LARGE1: variants seen among roughly 807,000 people sequenced by gnomAD.
The protein encoded by LARGE1 is xylosyl- and glucuronyltransferase LARGE1.
A neutral mutation model predicts 87.6 loss-of-function variants in LARGE1; 43 were observed. The ratio of observed to expected loss-of-function variants is 0.49; its 90% CI spans 0.38 to 0.63. The LOEUF (loss-of-function observed/expected upper bound fraction) is 0.63. Among genes scored for constraint, LARGE1 ranks in the 30% least tolerant of loss-of-function variants. The probability of loss-of-function intolerance (pLI) is 0.00; values close to 1 mark genes in which losing one functional copy is unlikely to be tolerated. For missense variants in LARGE1, 802 were observed against 1,000.2 expected (o/e 0.80, Z 2.67); for synonymous variants, 434 against 394.6 (o/e 1.10, Z -1.18).
intron 6 of LARGE1, among the ~76,000 whole-genome samples, chr22:33,472,497 GT>G (rs1007129622): frequency 1.1e-4 from 16 of 152,100 alleles, no homozygotes; most frequent in Non-Finnish European, 2.1e-4. Flanking sequence ...CTCTGCAGGT[GT>G]TTTTTGTTGT....
At position 33,362,195 on chromosome 22, in the gene LARGE1, G is replaced by C. The variant is rs140140516; in HGVS notation, c.1131+19724C>G. On this transcript the variant is annotated intron_variant, in intron 9 of 14. Coordinates refer to ENST00000397394, the MANE Select transcript of LARGE1 (RefSeq NM_133642.5). The stretch of plus-strand genomic sequence containing the variant: ...GCCAGGGAAGGCTGAGTTATCAAGC[G>C]TAAGGACTAAAGAGATAACAATGAA... Among the ~76,000 whole-genome samples, 1,346 of 148,998 alleles carry C rather than the reference G, an allele frequency of 9.0e-3. 83 individuals are homozygous for C. Among genetic ancestry groups the C allele is most frequent in the African/African-American group, 0.032 (1,287 of 40,500 alleles).
the LARGE1 span, among the ~76,000 whole-genome samples, chr22:33,066,770 C>T: frequency 6.6e-6 from 1 of 152,154 alleles, no homozygotes; most frequent in African/African-American, 2.4e-5. Context: ...CAAGTAGCAA[C>T]AGAAGCTAGA....
At chr22:33,295,548 G>A (rs926006367) in intron 12 of LARGE1, among the ~76,000 whole-genome samples, 26 of 152,192 alleles carry the variant, frequency 1.7e-4, no homozygotes, top group African/African-American at 6.3e-4. Flanking sequence ...GTGACAATAC[G>A]TGGGCAGAGA....
rs2145796895 is a variant in LARGE1, at chr22:33,274,028, C to A, written c.*399G>T. 2.6e-6 allele frequency: 1 copy of A among 377,436 alleles called. No individual in the cohort carries two copies. The highest frequency in any genetic ancestry group is 3.6e-5 in the South Asian group (1 of 27,714). The allele number at this position is 377,436 out of a possible 1,614,324, so 23.4% of individuals were successfully genotyped here. A position where few individuals can be genotyped will look rare whatever the true frequency, so the allele number is the denominator to read the frequency against. ...CACTTCTATTTCCTGGGACGAATAACCCCTAGAACCCTGACTTCCCTTTCT... is the reference window on the plus strand; with the variant it reads ...CACTTCTATTTCCTGGGACGAATAAACCCTAGAACCCTGACTTCCCTTTCT... On this transcript the variant is annotated 3_prime_UTR_variant, in exon 15 of 15. Coordinates refer to ENST00000397394, the MANE Select transcript of LARGE1 (RefSeq NM_133642.5).
intron 1 of LARGE1, among the ~76,000 whole-genome samples, chr22:33,763,017 C>T (rs1175518762): frequency 6.6e-6 from 1 of 152,206 alleles, no homozygotes; most frequent in Non-Finnish European, 1.5e-5. Context: ...GCATCCTTCC[C>T]TCTTGGGTAA....
At chr22:33,125,083 G>A in the LARGE1 span, among the ~76,000 whole-genome samples, 1 of 152,192 alleles carries the variant, frequency 6.6e-6, no homozygotes, top group Non-Finnish European at 1.5e-5. Flanking sequence ...GTATTGCCGT[G>A]GCAAAGGGTA....
intron 5 of LARGE1, among the ~76,000 whole-genome samples, chr22:33,595,403 C>T (rs762638780): frequency 3.3e-5 from 5 of 152,076 alleles, no homozygotes; most frequent in Non-Finnish European, 5.9e-5. Flanking sequence ...CAAGGTGGGG[C>T]ATGTCACATA....
chr22:33,746,634 G>C (rs563333575), intron 2 of LARGE1, among the ~76,000 whole-genome samples: 13 of 152,198 alleles, frequency 8.5e-5, no homozygotes, highest in Non-Finnish European at 1.9e-4. Context: ...AAGGAAGTAT[G>C]CTATATAAAT....
At chr22:33,067,795 A>G in the LARGE1 span, among the ~76,000 whole-genome samples, 230 of 152,060 alleles carry the variant, frequency 1.5e-3, no homozygotes, top group African/African-American at 5.3e-3. Flanking sequence ...GCCTGGCCAA[A>G]TAGTGAAACC....
At chr22:33,591,631 G>A (rs765858384) in intron 5 of LARGE1, among the ~76,000 whole-genome samples, 20 of 151,756 alleles carry the variant, frequency 1.3e-4, no homozygotes, top group Non-Finnish European at 2.4e-4. Flanking sequence ...TAATGTCTTT[G>A]CAAGAACAAA....
intron 6 of LARGE1, among the ~76,000 whole-genome samples, chr22:33,481,078 G>A (rs1278384310): frequency 6.6e-6 from 1 of 151,498 alleles, no homozygotes; most frequent in Non-Finnish European, 1.5e-5. Context: ...AAATGGCTGT[G>A]TCAAATATAT....
intron 6 of LARGE1, among the ~76,000 whole-genome samples, chr22:33,513,123 C>G (rs1321541449): frequency 6.6e-6 from 1 of 151,934 alleles, no homozygotes; most frequent in African/African-American, 2.4e-5. Flanking sequence ...ACTGGTGTGA[C>G]CATTAATCAA....
chr22:33,726,895 T>C (rs985126548), intron 2 of LARGE1, among the ~76,000 whole-genome samples: 1 of 122,354 alleles, frequency 8.2e-6, no homozygotes, highest in Non-Finnish European at 1.8e-5. Context: ...GCTCAATAAA[T>C]CCTGATGATC....
chr22:33,168,645 A>G (rs1922400667), intron 11 of LARGE1, among the ~76,000 whole-genome samples: 1 of 152,248 alleles, frequency 6.6e-6, no homozygotes, highest in African/African-American at 2.4e-5. Context: ...TAACAACCTT[A>G]TAAGGAAAAT....
At chr22:33,886,814 C>T (rs1432058826) in intron 1 of LARGE1, among the ~76,000 whole-genome samples, 3 of 152,090 alleles carry the variant, frequency 2.0e-5, no homozygotes, top group Non-Finnish European at 4.4e-5. Flanking sequence ...CCAGGCACTG[C>T]GCTCACCACT....
chr22:33,433,417 A>G (rs1175733651), intron 6 of LARGE1, among the ~76,000 whole-genome samples: 1 of 152,038 alleles, frequency 6.6e-6, no homozygotes, highest in Non-Finnish European at 1.5e-5. Context: ...TAACACAGTG[A>G]AACCCCATCT....
At chr22:33,130,313 C>CAAAAAAAAAAAAA in the LARGE1 span, among the ~76,000 whole-genome samples, 132 of 56,998 alleles carry the variant, frequency 2.3e-3, 6 homozygotes, top group African/African-American at 9.4e-3. Flanking sequence ...GATTCCGTCT[C>CAAAAAAAAAAAAA]AAAAAAAAAA....
chr22:33,122,254 A>G, the LARGE1 span, among the ~76,000 whole-genome samples: 1 of 150,796 alleles, frequency 6.6e-6, no homozygotes, highest in African/African-American at 2.4e-5. Flanking sequence ...GAACTGCCTC[A>G]CCCCCCTCCA....
At chr22:33,337,282 G>A (rs947952170) in intron 10 of LARGE1, among the ~76,000 whole-genome samples, 2 of 152,100 alleles carry the variant, frequency 1.3e-5, no homozygotes, top group Non-Finnish European at 2.9e-5. Flanking sequence ...TGACTACACT[G>A]AATCCAGGGT....
Sources: gnomAD v4.1 joint callset for allele counts (sites outside exome capture counted in the v4.1 genomes callset) on GRCh38, gnomAD v4.1.1 for gene constraint, MANE v1.5 for transcripts, NCBI Gene and HGNC (gene_info 2026-07-23, HGNC 2026-07-21) for gene names.